The following SNTG1 variants were observed in gnomAD, a reference collection of about 807,000 sequenced individuals.
The protein encoded by SNTG1 is gamma-1-syntrophin.
SNTG1 carries 39 observed loss-of-function variants against 74.7 expected under a neutral mutation model. The observed-to-expected ratio is 0.52, with a 90% CI of 0.40 to 0.68. The LOEUF (loss-of-function observed/expected upper bound fraction) is 0.68. Ranked by LOEUF, SNTG1 falls within the 30% of genes least tolerant of loss-of-function variation. The pLI is 0.00. For missense variants in SNTG1, 685 were observed against 609.5 expected, an observed-to-expected ratio of 1.12 and a Z score of -1.30; for synonymous variants, 254 against 217.1, an observed-to-expected ratio of 1.17 and a Z score of -1.49.
At chr8:50,754,742 A>C (rs1245711999) in intron 18 of SNTG1, among the ~76,000 whole-genome samples, 3 of 151,200 alleles carry the variant, frequency 2.0e-5, no homozygotes, top group Non-Finnish European at 4.4e-5. Context: ...AATTTTTTTG[A>C]GATAATATTT....
chr8:50,616,813 A>C (rs2094888110), intron 13 of SNTG1, among the ~76,000 whole-genome samples: 1 of 152,176 alleles, frequency 6.6e-6, no homozygotes, highest in African/African-American at 2.4e-5. Flanking sequence ...TTTACTCCGT[A>C]AGGCTTTAAA....
chr8:50,678,880 G>A, intron 15 of SNTG1, among the ~76,000 whole-genome samples: 1 of 151,962 alleles, frequency 6.6e-6, no homozygotes, highest in Middle Eastern at 3.2e-3. Context: ...CACTCCTGTG[G>A]TATGTTTTCT....
At chr8:50,471,003 C>T in intron 8 of SNTG1, among the ~76,000 whole-genome samples, 1 of 152,088 alleles carries the variant, frequency 6.6e-6, no homozygotes. Context: ...TTTAGCTAGA[C>T]ACAGAATGCT....
At chr8:50,709,138 A>T in intron 17 of SNTG1, 160 bp downstream of exon 17, 1 of 600,676 alleles carries the variant, frequency 1.7e-6, no homozygotes, top group South Asian at 2.2e-5. Flanking sequence ...TCGATCTGAA[A>T]AAAAGTTTGA....
intron 1 of SNTG1, among the ~76,000 whole-genome samples, chr8:49,997,477 T>C (rs1814338023): frequency 6.6e-6 from 1 of 152,132 alleles, no homozygotes; most frequent in Non-Finnish European, 1.5e-5. Flanking sequence ...ATCTAAATCC[T>C]TCCCTCCTTT....
chr8:49,941,805 A>G (rs1287148183), intron 1 of SNTG1, among the ~76,000 whole-genome samples: 3 of 152,148 alleles, frequency 2.0e-5, no homozygotes, highest in Admixed American at 2.0e-4. Context: ...ATATATGTTA[A>G]TCTGTCTAGA....
intron 2 of SNTG1, among the ~76,000 whole-genome samples, chr8:50,185,371 T>C (rs2083342543): frequency 6.6e-6 from 1 of 152,234 alleles, no homozygotes; most frequent in South Asian, 2.1e-4. Context: ...TGTGAGTCGA[T>C]TAAACCTTTT....
chr8:50,567,527 T>C (rs2094522872), intron 12 of SNTG1, among the ~76,000 whole-genome samples: 1 of 152,084 alleles, frequency 6.6e-6, no homozygotes, highest in South Asian at 2.1e-4. Flanking sequence ...TACACATATG[T>C]ATATGAGATA....
chr8:50,234,979 T>C (rs2085815605), intron 2 of SNTG1, among the ~76,000 whole-genome samples: 1 of 152,054 alleles, frequency 6.6e-6, no homozygotes, highest in African/African-American at 2.4e-5. Context: ...TGAGGAAAGA[T>C]GCAGGTGCAT....
At chr8:50,541,279 A>ATGTG (rs2094345110) in intron 11 of SNTG1, among the ~76,000 whole-genome samples, 1 of 108,628 alleles carries the variant, frequency 9.2e-6, no homozygotes, top group Non-Finnish European at 1.7e-5. Flanking sequence ...GTGTGTGTGC[A>ATGTG]TGTTTATTTC....
At chr8:50,381,677 TATAGG>T (rs1297927908) in intron 2 of SNTG1, among the ~76,000 whole-genome samples, 33 of 126,116 alleles carry the variant, frequency 2.6e-4, no homozygotes, top group South Asian at 9.7e-4. Context: ...GTTATATATA[TATAGG>T]ATATATATAT....
intron 5 of SNTG1, among the ~76,000 whole-genome samples, chr8:50,439,944 C>T (rs61006470): frequency 0.028 from 4,216 of 150,692 alleles, 186 homozygotes; most frequent in African/African-American, 0.096. Context: ...TGTTGTTTTT[C>T]GTATTTTAAA....
At chr8:50,186,800 T>C (rs1351634059) in intron 2 of SNTG1, among the ~76,000 whole-genome samples, 1 of 152,166 alleles carries the variant, frequency 6.6e-6, no homozygotes, top group Non-Finnish European at 1.5e-5. Context: ...CTTTGTCAGA[T>C]GGGTAGATTG....
chr8:50,001,388 G>T (rs1814724083), intron 1 of SNTG1, among the ~76,000 whole-genome samples: 1 of 152,104 alleles, frequency 6.6e-6, no homozygotes, highest in Admixed American at 6.5e-5. Context: ...CTTATGGTGA[G>T]CCTAGGAAGG....
At chr8:49,913,959 G>A (rs940830122) in intron 1 of SNTG1, among the ~76,000 whole-genome samples, 6 of 151,978 alleles carry the variant, frequency 3.9e-5, no homozygotes, top group African/African-American at 1.5e-4. Context: ...ATCTCACAAA[G>A]TGAAAGTTAC....
chr8:50,752,355 A>G (rs2095569704), intron 18 of SNTG1, among the ~76,000 whole-genome samples: 1 of 152,028 alleles, frequency 6.6e-6, no homozygotes, highest in South Asian at 2.1e-4. Context: ...ATTCCTTATG[A>G]ACTGCATTTT....
At chr8:50,704,269 T>C (rs545732566) in intron 15 of SNTG1, among the ~76,000 whole-genome samples, 2 of 152,322 alleles carry the variant, frequency 1.3e-5, no homozygotes, top group Non-Finnish European at 2.9e-5. Context: ...AACAGTTATG[T>C]AAGGAAGGGA....
chr8:50,651,090 A>G (rs2095142608), intron 13 of SNTG1, among the ~76,000 whole-genome samples: 1 of 152,140 alleles, frequency 6.6e-6, no homozygotes. Context: ...GATATCATGG[A>G]TATTAGTAAT....
intron 2 of SNTG1, among the ~76,000 whole-genome samples, chr8:50,252,228 T>C (rs887388058): frequency 1.3e-5 from 2 of 152,078 alleles, no homozygotes; most frequent in African/African-American, 4.8e-5. Flanking sequence ...AAGAAAAGTT[T>C]ATAGCAATAA....
Sources: gnomAD v4.1 joint callset for allele counts (sites outside exome capture counted in the v4.1 genomes callset) on GRCh38, gnomAD v4.1.1 for gene constraint, MANE v1.5 for transcripts, NCBI Gene and HGNC (gene_info 2026-07-23, HGNC 2026-07-21) for gene names.